KCNB2: variants seen among roughly 807,000 people sequenced by gnomAD.
KCNB2 encodes the protein potassium voltage-gated channel subfamily B member 2.
Under a neutral mutation model 61.5 loss-of-function variants are expected in KCNB2, and 15 were observed. The ratio of observed to expected loss-of-function variants is 0.24; its 90% CI spans 0.16 to 0.38. The LOEUF (loss-of-function observed/expected upper bound fraction) is 0.38. Ranked by LOEUF, KCNB2 falls within the 10% of genes least tolerant of loss-of-function variation. The pLI is 1.00. For synonymous variants in KCNB2, 457 were observed against 446.0 expected (o/e 1.02, Z -0.31); for missense variants, 828 against 1,125.2 (o/e 0.74, Z 3.78).
At chr8:72,822,359 G>A (rs191029404) in intron 2 of KCNB2, among the ~76,000 whole-genome samples, 6 of 152,316 alleles carry the variant, frequency 3.9e-5, no homozygotes, top group African/African-American at 7.2e-5. Flanking sequence ...ATCGAATGAC[G>A]TGACAGTCTA....
chr8:72,569,840 T>C (rs918793360), intron 2 of KCNB2, among the ~76,000 whole-genome samples: 2 of 152,180 alleles, frequency 1.3e-5, no homozygotes, highest in African/African-American at 4.8e-5. Context: ...AATAAATCAT[T>C]GTTCCATCAA....
chr8:72,801,767 T>C lies in KCNB2; in HGVS notation c.580-134168T>C, dbSNP rs1294152055. Among the ~76,000 whole-genome samples the C allele has an allele frequency of 2.6e-5, 4 of 151,598 alleles. No individual in the cohort carries two copies. In the East Asian group the frequency reaches 7.8e-4, roughly 29 times the overall value. On this transcript the variant is annotated intron_variant, in intron 2 of 2. Coordinates refer to ENST00000523207, the MANE Select transcript of KCNB2 (RefSeq NM_004770.3). The stretch of plus-strand genomic sequence containing the variant: ...AAGGTGTCTGCAAAGAGGTGGCCTG[T>C]AGAAGCTTGGAGGGGGAGTAGAAGT...
At chr8:72,612,548 T>G (rs1805557419) in intron 2 of KCNB2, among the ~76,000 whole-genome samples, 1 of 152,218 alleles carries the variant, frequency 6.6e-6, no homozygotes, top group Admixed American at 6.5e-5. Flanking sequence ...TGGAAGATGC[T>G]ATGGTACTTA....
chr8:72,927,168 A>G (rs914462459), intron 2 of KCNB2, among the ~76,000 whole-genome samples: 2 of 152,172 alleles, frequency 1.3e-5, no homozygotes, highest in East Asian at 1.9e-4. Flanking sequence ...AAACTGGTCT[A>G]TAGAAGGAAG....
chr8:72,673,713 G>T (rs1806603641), intron 2 of KCNB2, among the ~76,000 whole-genome samples: 1 of 152,182 alleles, frequency 6.6e-6, no homozygotes, highest in Non-Finnish European at 1.5e-5. Flanking sequence ...TGTTTGTCTT[G>T]TTCCACTTAT....
At chr8:72,901,266 A>C (rs1253473282) in intron 2 of KCNB2, among the ~76,000 whole-genome samples, 1 of 152,168 alleles carries the variant, frequency 6.6e-6, no homozygotes, top group Non-Finnish European at 1.5e-5. Flanking sequence ...GTGGCAGACT[A>C]TCTGAGGGCA....
intron 2 of KCNB2, chr8:72,618,609 T>G (rs1006734331): frequency 6.5e-6 from 1 of 153,022 alleles, no homozygotes; most frequent in Non-Finnish European, 1.5e-5. Flanking sequence ...CATTATTATC[T>G]CTTCTAAAAA....
intron 2 of KCNB2, among the ~76,000 whole-genome samples, chr8:72,925,552 T>C (rs1464652541): frequency 6.6e-6 from 1 of 152,184 alleles, no homozygotes; most frequent in Non-Finnish European, 1.5e-5. Context: ...AAGCTCAACG[T>C]CACTGATCAT....
chr8:72,904,954 G>A (rs1806150550), intron 2 of KCNB2, among the ~76,000 whole-genome samples: 1 of 151,988 alleles, frequency 6.6e-6, no homozygotes, highest in African/African-American at 2.4e-5. Flanking sequence ...CTTGTATTGG[G>A]TGATGTATAG....
At chr8:72,578,686 T>G (rs796952521) in intron 2 of KCNB2, among the ~76,000 whole-genome samples, 3 of 152,348 alleles carry the variant, frequency 2.0e-5, no homozygotes, top group African/African-American at 7.2e-5. Context: ...GAGGAAACTT[T>G]AAGGCAGTAA....
rs1264394642 is a variant in KCNB2, at chr8:72,937,542, C to T, written c.2187C>T (p.Thr729=). 1 of 1,613,714 alleles carries T rather than the reference C, an allele frequency of 6.2e-7. No individual in the cohort carries two copies. Among genetic ancestry groups the T allele is most frequent in the African/African-American group, 1.3e-5 (1 of 74,844 alleles). Residue 729 remains threonine (T), a synonymous_variant, in exon 3 of 3, where the codon ACC becomes ACT. Coordinates refer to ENST00000523207, the MANE Select transcript of KCNB2 (RefSeq NM_004770.3). ...AAAATAGAGGCAGTGCACCACAGACCCCGCCCAGCACAGCCAGGCCACTGC... is the reference window on the plus strand; with the variant it reads ...AAAATAGAGGCAGTGCACCACAGACTCCGCCCAGCACAGCCAGGCCACTGC... ...FKENRGSAPQ[T]PPSTARPLPV... is the part of the protein sequence containing the mutation.
chr8:72,934,562 A>G (rs951216826), intron 2 of KCNB2, among the ~76,000 whole-genome samples: 1 of 152,180 alleles, frequency 6.6e-6, no homozygotes, highest in Non-Finnish European at 1.5e-5. Flanking sequence ...TCTAATGTGT[A>G]CTGAGTTGTG....
intron 2 of KCNB2, among the ~76,000 whole-genome samples, chr8:72,692,219 G>A: frequency 8.0e-6 from 1 of 125,512 alleles, no homozygotes; most frequent in Admixed American, 9.7e-5. Context: ...CTGGGTGACA[G>A]AGCGAGACTC....
chr8:72,750,305 G>C (rs1221181129), intron 2 of KCNB2: 1 of 152,120 alleles, frequency 6.6e-6, no homozygotes, highest in Non-Finnish European at 1.5e-5. Flanking sequence ...TATTTGTGTT[G>C]TTTCCAGTCA....
chr8:72,602,969 G>A (rs966074073), intron 2 of KCNB2, among the ~76,000 whole-genome samples: 22 of 149,990 alleles, frequency 1.5e-4, no homozygotes, highest in Non-Finnish European at 2.2e-4. Flanking sequence ...AAAAAAAGGC[G>A]GCATGCCCGC....
At chr8:72,740,338 A>G (rs1264524977) in intron 2 of KCNB2, among the ~76,000 whole-genome samples, 1 of 152,192 alleles carries the variant, frequency 6.6e-6, no homozygotes, top group Non-Finnish European at 1.5e-5. Context: ...ACAGGGACCC[A>G]TGTGTTGAAC....
At chr8:72,833,539 G>A (rs1298021958) in intron 2 of KCNB2, among the ~76,000 whole-genome samples, 1 of 152,156 alleles carries the variant, frequency 6.6e-6, no homozygotes, top group Non-Finnish European at 1.5e-5. Context: ...AATTGAAAGA[G>A]GGGAATCAAA....
chr8:72,627,006 T>TG (rs1472953759), intron 2 of KCNB2, among the ~76,000 whole-genome samples: 7 of 152,314 alleles, frequency 4.6e-5, no homozygotes, highest in Middle Eastern at 3.4e-3. Flanking sequence ...GAAACCATTG[T>TG]GTGTTAATAT....
chr8:72,659,866 G>A (rs1366226106), intron 2 of KCNB2, among the ~76,000 whole-genome samples: 1 of 152,144 alleles, frequency 6.6e-6, no homozygotes, highest in Non-Finnish European at 1.5e-5. Flanking sequence ...ATAGTATAGT[G>A]TAAACATAAC....
Sources: allele counts gnomAD v4.1 joint callset (sites outside exome capture counted in the v4.1 genomes callset), GRCh38; gene constraint gnomAD v4.1.1; transcripts MANE v1.5; gene names NCBI Gene and HGNC (gene_info 2026-07-23, HGNC 2026-07-21).